ROPN1L: variants seen among roughly 807,000 people sequenced by gnomAD.
ROPN1L encodes ropporin-1-like protein.
A neutral mutation model predicts 22.7 loss-of-function variants in ROPN1L; 23 were observed. The observed-to-expected ratio is 1.01, with a 90% CI of 0.73 to 1.43. The LOEUF is 1.43. ROPN1L is among the 40% of genes most tolerant of loss of function. The pLI is 0.00. For missense variants in ROPN1L, 271 were observed against 291.5 expected (o/e 0.93, Z 0.51); for synonymous variants, 116 against 117.8 (o/e 0.98, Z 0.10).
intron 1 of ROPN1L, 93 bp downstream of exon 1, chr5:10,442,391 G>A: frequency 6.6e-7 from 1 of 1,504,174 alleles, no homozygotes; most frequent in South Asian, 1.2e-5. Context: ...GCCTTACGCG[G>A]CACTCAGCGT....
chr5:10,449,860 G>T (rs1453105212), intron 2 of ROPN1L, 92 bp from the exon 3 acceptor site: 1 of 1,060,066 alleles, frequency 9.4e-7, no homozygotes, highest in Non-Finnish European at 1.4e-6. Context: ...TGCATGGGGC[G>T]GGTTACTTGG....
At chr5:10,458,904 C>T (rs551362292) in intron 3 of ROPN1L, among the ~76,000 whole-genome samples, 30 of 82,016 alleles carry the variant, frequency 3.7e-4, no homozygotes, top group East Asian at 1.8e-3. Flanking sequence ...GTACACCATC[C>T]GCCTGTATGC....
At chr5:10,464,799 T>C (rs967762198) in intron 4 of ROPN1L, 49 bp from the exon 5 acceptor site, 1 of 1,083,546 alleles carries the variant, frequency 9.2e-7, no homozygotes, top group Non-Finnish European at 1.4e-6. Context: ...TGTTACTAAG[T>C]ATATGATGAG....
chr5:10,470,515 G>C (rs1000530216), intron 4 of ROPN1L, among the ~76,000 whole-genome samples: 4 of 152,170 alleles, frequency 2.6e-5, no homozygotes, highest in Non-Finnish European at 4.4e-5. Flanking sequence ...TCTGGCTTTT[G>C]GTAAGGCCAG....
At chr5:10,450,221 A>G in intron 3 of ROPN1L, 108 bp downstream of exon 3, 1 of 874,562 alleles carries the variant, frequency 1.1e-6, no homozygotes, top group African/African-American at 1.7e-5. Flanking sequence ...ACTTTGTCTT[A>G]GAAAAGCATT....
At chr5:10,452,169 T>C (rs1480261423) in intron 3 of ROPN1L, among the ~76,000 whole-genome samples, 1 of 151,110 alleles carries the variant, frequency 6.6e-6, no homozygotes, top group Non-Finnish European at 1.5e-5. Context: ...TTAGTAGAGA[T>C]GGGGTTTCAC....
downstream of ROPN1L, among the ~76,000 whole-genome samples, chr5:10,469,494 GA>G (rs889357803): frequency 2.7e-4 from 41 of 151,578 alleles, no homozygotes; most frequent in Non-Finnish European, 5.3e-4. Flanking sequence ...CTCAAAAAAA[GA>G]AAAAAAAGTT....
chr5:10,465,488 C>T (rs973003913), downstream of ROPN1L, among the ~76,000 whole-genome samples: 5 of 141,886 alleles, frequency 3.5e-5, no homozygotes, highest in African/African-American at 1.3e-4. Context: ...GCACTCCAGC[C>T]TGGGCGACAG....
At chr5:10,455,605 A>C (rs552771044) in intron 3 of ROPN1L, among the ~76,000 whole-genome samples, 10 of 152,290 alleles carry the variant, frequency 6.6e-5, no homozygotes, top group African/African-American at 2.4e-4. Context: ...TGGCCTCCCC[A>C]TCCCTGTCCT....
At chr5:10,471,132 C>G (rs886153467) in intron 4 of ROPN1L, among the ~76,000 whole-genome samples, 1 of 152,026 alleles carries the variant, frequency 6.6e-6, no homozygotes, top group African/African-American at 2.4e-5. Context: ...CCTTGATTCT[C>G]TTTTCTTTTC....
At chr5:10,453,323 C>T (rs562792003) in intron 3 of ROPN1L, among the ~76,000 whole-genome samples, 28 of 152,196 alleles carry the variant, frequency 1.8e-4, no homozygotes, top group Non-Finnish European at 3.5e-4. Context: ...ACACCTGTCT[C>T]GGGGTGCGCT....
downstream of ROPN1L, among the ~76,000 whole-genome samples, chr5:10,473,673 T>C (rs927013088): frequency 1.3e-5 from 2 of 152,186 alleles, no homozygotes; most frequent in African/African-American, 4.8e-5. Context: ...ACACCAGAAA[T>C]GGGACAGAGC....
chr5:10,459,421 T>G (rs545323567), intron 3 of ROPN1L, among the ~76,000 whole-genome samples: 1 of 150,710 alleles, frequency 6.6e-6, no homozygotes, highest in Admixed American at 6.6e-5. Flanking sequence ...AAGGACTCCT[T>G]AGAAACACTC....
chr5:10,460,630 C>G (rs1010262812), intron 3 of ROPN1L, among the ~76,000 whole-genome samples: 1 of 152,240 alleles, frequency 6.6e-6, no homozygotes, highest in African/African-American at 2.4e-5. Flanking sequence ...GGAGCTGAGA[C>G]AGAGCCCAGA....
Position 10,448,333 on chromosome 5 carries a change from A to G in ROPN1L, c.205A>G (p.Lys69Glu). Residue 69 changes from lysine (K) to glutamate (E), a missense_variant, in exon 2 of 5, where the codon AAA becomes GAA. Transcript: ENST00000274134. ...AATGGAAATGCCCACGGCAACCCAG[A>G]AAACAGACACAGGCCTGACTCAAGG... ...DRMEMPTATQ[K>E]TDTGLTQGLL... 6.2e-7 allele frequency: 1 copy of G among 1,614,226 alleles called. No individual in the cohort carries two copies. Among genetic ancestry groups the G allele is most frequent in the Non-Finnish European group, 8.5e-7 (1 of 1,180,038 alleles).
intron 3 of ROPN1L, among the ~76,000 whole-genome samples, chr5:10,457,513 G>A (rs1287525937): frequency 6.6e-6 from 1 of 152,354 alleles, no homozygotes; most frequent in East Asian, 1.9e-4. Flanking sequence ...GGTGACTTGG[G>A]TGATTGCTGA....
chr5:10,448,458 A>G, intron 2 of ROPN1L, 75 bp downstream of exon 2: 3 of 1,562,896 alleles, frequency 1.9e-6, no homozygotes, highest in Non-Finnish European at 2.6e-6. Flanking sequence ...CATTGATGAC[A>G]GAGCGGGGCA....
chr5:10,448,433 T>TGG lies in ROPN1L; in HGVS notation c.255+50_255+51insGG, dbSNP rs753993584. On this transcript the variant is annotated intron_variant, in intron 2 of 4. Coordinates refer to ENST00000274134, the MANE Select transcript of ROPN1L (RefSeq NM_031916.5). ...CTCAGGCAGCTGGCCTGTGCTTTCC[T>TGG]TACCGTTCACTGTGCATTGATGACA... 1.9e-6 allele frequency: 3 copies of TGG among 1,610,222 alleles called. No homozygotes were observed. The African/African-American group carries it at 4.0e-5, about 22-fold the overall frequency.
the ROPN1L span, among the ~76,000 whole-genome samples, chr5:10,478,845 G>C: frequency 6.6e-6 from 1 of 152,156 alleles, no homozygotes; most frequent in Non-Finnish European, 1.5e-5. Flanking sequence ...GAGAAAATAA[G>C]AATAGTTTTC....
Sources: gnomAD v4.1 joint callset for allele counts (sites outside exome capture counted in the v4.1 genomes callset) on GRCh38, gnomAD v4.1.1 for gene constraint, MANE v1.5 for transcripts, NCBI Gene and HGNC (gene_info 2026-07-23, HGNC 2026-07-21) for gene names.